PCDH7: variants seen among roughly 807,000 people sequenced by gnomAD.
PCDH7 encodes protocadherin-7.
In PCDH7, 17 loss-of-function variants were observed where a neutral mutation model predicts 58.9. That is an observed-to-expected ratio of 0.29 (90% CI 0.20 to 0.43). The LOEUF (loss-of-function observed/expected upper bound fraction) is 0.43. Among genes scored for constraint, PCDH7 ranks in the 20% least tolerant of loss-of-function variants. The pLI is 1.00. For missense variants in PCDH7, 1,274 were observed against 1,441.0 expected, an observed-to-expected ratio of 0.88 and a Z score of 1.88; for synonymous variants, 664 against 616.4, an observed-to-expected ratio of 1.08 and a Z score of -1.14.
intron 1 of PCDH7, among the ~76,000 whole-genome samples, chr4:30,799,378 T>G (rs929527661): frequency 7.2e-5 from 11 of 152,244 alleles, no homozygotes; most frequent in African/African-American, 2.7e-4. Flanking sequence ...TTATTCTTTA[T>G]TGTTGAAGCC....
intron 1 of PCDH7, among the ~76,000 whole-genome samples, chr4:30,904,567 C>T (rs564674325): frequency 9.2e-5 from 14 of 152,284 alleles, no homozygotes; most frequent in African/African-American, 2.2e-4. Flanking sequence ...AACATGTCTC[C>T]GCTTCCATTC....
At chr4:30,953,436 T>G (rs1747556649) in intron 3 of PCDH7, among the ~76,000 whole-genome samples, 2 of 152,134 alleles carry the variant, frequency 1.3e-5, no homozygotes, top group South Asian at 2.1e-4. Flanking sequence ...AGTATTCTGG[T>G]TATTTTCATT....
chr4:30,857,056 TAGAAAACA>T (rs1257802451), intron 1 of PCDH7, among the ~76,000 whole-genome samples: 2 of 152,008 alleles, frequency 1.3e-5, no homozygotes. Flanking sequence ...ATTCTGAAAT[TAGAAAACA>T]AGGTTAACGA....
At chr4:31,134,147 T>A (rs1248796626) in intron 3 of PCDH7, among the ~76,000 whole-genome samples, 2 of 152,170 alleles carry the variant, frequency 1.3e-5, no homozygotes, top group Middle Eastern at 3.4e-3. Flanking sequence ...CAGTCTATTA[T>A]CCATGATGAG....
chr4:31,038,487 T>G (rs923521959), intron 3 of PCDH7, among the ~76,000 whole-genome samples: 1 of 152,102 alleles, frequency 6.6e-6, no homozygotes, highest in African/African-American at 2.4e-5. Flanking sequence ...TGAGATGGAA[T>G]AAGAAATTAT....
At chr4:30,948,002 G>C (rs995481726) in intron 2 of PCDH7, among the ~76,000 whole-genome samples, 3 of 151,830 alleles carry the variant, frequency 2.0e-5, no homozygotes, top group Admixed American at 1.3e-4. Flanking sequence ...TAAGATTCCA[G>C]CTTCATTTTT....
chr4:30,793,627 G>C (rs902258304), intron 1 of PCDH7, among the ~76,000 whole-genome samples: 1 of 152,176 alleles, frequency 6.6e-6, no homozygotes, highest in African/African-American at 2.4e-5. Context: ...TTTAAAACAT[G>C]AGAATACACA....
At chr4:30,828,941 T>G (rs73123578) in intron 1 of PCDH7, among the ~76,000 whole-genome samples, 3 of 152,106 alleles carry the variant, frequency 2.0e-5, no homozygotes, top group Non-Finnish European at 2.9e-5. Context: ...TATAAAAGCT[T>G]TAATGGTCTG....
At chr4:31,064,166 A>G (rs1757903946) in intron 3 of PCDH7, among the ~76,000 whole-genome samples, 2 of 152,042 alleles carry the variant, frequency 1.3e-5, no homozygotes, top group Admixed American at 6.6e-5. Context: ...TTAGATTGCC[A>G]ACAGAAGAAA....
At chr4:30,892,209 A>C (rs1738703614) in intron 1 of PCDH7, among the ~76,000 whole-genome samples, 1 of 152,226 alleles carries the variant, frequency 6.6e-6, no homozygotes, top group Admixed American at 6.5e-5. Context: ...ATAATTTATT[A>C]TACTAGGTAA....
intron 1 of PCDH7, among the ~76,000 whole-genome samples, chr4:30,767,458 T>A (rs993234666): frequency 1.3e-5 from 2 of 152,198 alleles, no homozygotes; most frequent in African/African-American, 2.4e-5. Context: ...GAGAAATTAA[T>A]GAAGGGGCAA....
At chr4:31,077,654 A>G (rs1217081410) in intron 3 of PCDH7, among the ~76,000 whole-genome samples, 1 of 152,122 alleles carries the variant, frequency 6.6e-6, no homozygotes, top group Non-Finnish European at 1.5e-5. Flanking sequence ...GGAGGTGGAT[A>G]CTTGTTAAGA....
intron 3 of PCDH7, among the ~76,000 whole-genome samples, chr4:30,970,387 C>T (rs1274778678): frequency 1.3e-5 from 2 of 151,960 alleles, no homozygotes; most frequent in African/African-American, 4.8e-5. Flanking sequence ...CTCCCCCTGC[C>T]GTGTTCACGC....
intron 1 of PCDH7, among the ~76,000 whole-genome samples, chr4:30,773,769 C>A (rs1721717918): frequency 6.6e-6 from 1 of 152,054 alleles, no homozygotes; most frequent in African/African-American, 2.4e-5. Flanking sequence ...TCACTTCATC[C>A]CATTTCCTTT....
chr4:30,749,355 A>G (rs1357314607), intron 1 of PCDH7, among the ~76,000 whole-genome samples: 1 of 152,190 alleles, frequency 6.6e-6, no homozygotes, highest in African/African-American at 2.4e-5. Context: ...TCTTGTATGA[A>G]TGAGAAAATT....
chr4:30,749,109 A>G (rs768591362), intron 1 of PCDH7, among the ~76,000 whole-genome samples: 19 of 152,188 alleles, frequency 1.2e-4, no homozygotes, highest in Admixed American at 2.0e-4. Flanking sequence ...ATTTATTCCT[A>G]TATGCATTTT....
intron 2 of PCDH7, among the ~76,000 whole-genome samples, chr4:30,941,206 A>T (rs974107735): frequency 8.6e-5 from 13 of 151,940 alleles, no homozygotes; most frequent in African/African-American, 3.1e-4. Context: ...AACAGTGTGC[A>T]AAGTATTTCA....
intron 2 of PCDH7, among the ~76,000 whole-genome samples, chr4:30,948,294 A>T (rs1746956485): frequency 1.3e-5 from 2 of 151,976 alleles, no homozygotes; most frequent in Admixed American, 1.3e-4. Flanking sequence ...ATATGCAAAA[A>T]AAAAAAAAAG....
intron 3 of PCDH7, among the ~76,000 whole-genome samples, chr4:31,002,977 T>A (rs930681234): frequency 6.6e-6 from 1 of 152,220 alleles, no homozygotes; most frequent in Non-Finnish European, 1.5e-5. Flanking sequence ...AGTAGATGAC[T>A]TTATCTTAAC....
Sources: allele counts gnomAD v4.1 joint callset (sites outside exome capture counted in the v4.1 genomes callset), GRCh38; gene constraint gnomAD v4.1.1; transcripts MANE v1.5; gene names NCBI Gene and HGNC (gene_info 2026-07-23, HGNC 2026-07-21).